DEK: variants seen among roughly 807,000 people sequenced by gnomAD.
DEK encodes protein DEK.
Under a neutral mutation model 46.8 loss-of-function variants are expected in DEK, and 28 were observed. The ratio of observed to expected loss-of-function variants is 0.60; its 90% confidence interval spans 0.44 to 0.82. The LOEUF (loss-of-function observed/expected upper bound fraction) is 0.82. Ranked by LOEUF, DEK falls within the 40% of genes least tolerant of loss-of-function variation. DEK has a pLI of 0.00. For missense variants in DEK, 416 were observed against 430.6 expected (o/e 0.97, Z 0.30); for synonymous variants, 160 against 144.5 (o/e 1.11, Z -0.77).
rs772257561 is a variant in DEK, at chr6:18,249,655, T to G, written c.758A>C (p.Glu253Ala). 1 of 1,577,702 alleles carries G rather than the reference T, an allele frequency of 6.3e-7. No homozygotes were observed. The highest frequency in any genetic ancestry group is 8.6e-7 in the Non-Finnish European group (1 of 1,167,736). ...AAATATAGTAAAATATTTTACCTCC[T>G]CTTCACTTTCTTTATCTTCATCATC... Reference protein sequence around the residue: ...SSDDEDKESEEEPPKKTAKRE... With the variant: ...SSDDEDKESEAEPPKKTAKRE... The change falls in exon 7 of 11, where the codon GAG becomes GCG. Residue 253 changes from glutamate to alanine, a missense_variant. Transcript: ENST00000652689.
chr6:18,263,644 T>C (rs1791971691), intron 2 of DEK, among the ~76,000 whole-genome samples, 199 bp downstream of exon 2: 1 of 152,148 alleles, frequency 6.6e-6, no homozygotes, highest in African/African-American at 2.4e-5. Flanking sequence ...ACAAATACTT[T>C]AAAAACCGGA....
intron 7 of DEK, among the ~76,000 whole-genome samples, chr6:18,244,922 A>G (rs1791042019): frequency 6.6e-6 from 1 of 152,238 alleles, no homozygotes. Context: ...ACTACCAGAT[A>G]ATCCCTTGAA....
Position 18,224,501 on chromosome 6 carries a change from T to TA in DEK, c.*1217dup. On this transcript the variant is annotated 3_prime_UTR_variant, in exon 11 of 11. Transcript: ENST00000652689. ...AGACAGTAAATTTGAAAGACAAAAT[T>TA]AAGTCTCATTCAGGAGTGGTCCATT... The TA allele has an allele frequency of 5.0e-6, 1 of 201,218 alleles. No individual in the cohort carries two copies. The highest frequency in any genetic ancestry group is 1.0e-5 in the Non-Finnish European group (1 of 97,702). 12.5% of individuals were successfully genotyped at this position (201,218 alleles called of 1,614,324 possible).
chr6:18,237,197 A>T, intron 8 of DEK, 184 bp downstream of exon 8: 1 of 581,110 alleles, frequency 1.7e-6, no homozygotes, highest in Non-Finnish European at 2.7e-6. Context: ...ATATATATAT[A>T]TTGCAAAATC....
At chr6:18,251,386 T>C (rs1283758549) in intron 6 of DEK, among the ~76,000 whole-genome samples, 1 of 152,164 alleles carries the variant, frequency 6.6e-6, no homozygotes, top group African/African-American at 2.4e-5. Flanking sequence ...GGGGTCACTG[T>C]CACCTACACA....
At chr6:18,243,946 A>G (rs1165236421) in intron 7 of DEK, among the ~76,000 whole-genome samples, 2 of 152,204 alleles carry the variant, frequency 1.3e-5, no homozygotes, top group Non-Finnish European at 2.9e-5. Context: ...CAGCCTGGGC[A>G]ACAGAGTAAG....
intron 7 of DEK, among the ~76,000 whole-genome samples, chr6:18,239,985 G>A (rs1297133307): frequency 1.3e-5 from 2 of 152,114 alleles, no homozygotes; most frequent in South Asian, 2.1e-4. Context: ...TACTGAAAGG[G>A]TTGAAGGTTG....
intron 9 of DEK, among the ~76,000 whole-genome samples, chr6:18,227,935 T>A (rs891833747): frequency 3.4e-4 from 52 of 152,318 alleles, no homozygotes; most frequent in African/African-American, 1.1e-3. Context: ...AGTCCCTCCC[T>A]AAAGTTAAAT....
intron 7 of DEK, among the ~76,000 whole-genome samples, chr6:18,238,683 C>CAA (rs201851628): frequency 2.3e-4 from 21 of 91,806 alleles, no homozygotes; most frequent in Non-Finnish European, 3.4e-4. Flanking sequence ...GAGACTGTCT[C>CAA]AAAAAAAAAA....
In DEK at chr6:18,224,711, C is replaced by T. The variant is rs1790032412; in HGVS notation, c.*1008G>A. 4.7e-6 allele frequency: 1 copy of T among 213,558 alleles called. No individual in the cohort carries two copies. Among genetic ancestry groups the T allele is most frequent in the Admixed American group, 5.9e-5 (1 of 17,050 alleles). 13.2% of individuals were successfully genotyped at this position (213,558 alleles called of 1,614,324 possible). A position where few individuals can be genotyped will look rare whatever the true frequency, so the allele number is the denominator to read the frequency against. On this transcript the variant is annotated 3_prime_UTR_variant, in exon 11 of 11. Coordinates refer to ENST00000652689, the MANE Select transcript of DEK (RefSeq NM_003472.4). ...TATAATCTGGTACTTTAGTCATAAT[C>T]GTGAAGCTGGCTAGGTTTCCAGTAA...
intron 2 of DEK, among the ~76,000 whole-genome samples, chr6:18,260,031 T>C (rs1281259715): frequency 6.6e-6 from 1 of 152,202 alleles, no homozygotes; most frequent in Admixed American, 6.5e-5. Context: ...ACAACTTTCA[T>C]CTGAGATTCA....
intron 5 of DEK, among the ~76,000 whole-genome samples, chr6:18,256,064 C>T (rs1486236954): frequency 1.3e-5 from 2 of 151,748 alleles, no homozygotes; most frequent in Non-Finnish European, 2.9e-5. Context: ...CTTGGCTCAC[C>T]GCAACCTCCA....
chr6:18,227,463 T>G (rs901242569), intron 9 of DEK, among the ~76,000 whole-genome samples: 31 of 152,268 alleles, frequency 2.0e-4, no homozygotes, highest in African/African-American at 7.2e-4. Context: ...CTGCTGACCT[T>G]GTCTCCACTA....
intron 6 of DEK, among the ~76,000 whole-genome samples, chr6:18,254,058 C>T (rs924990079): frequency 4.0e-5 from 6 of 151,880 alleles, no homozygotes; most frequent in African/African-American, 9.7e-5. Context: ...CGGCCAGGCA[C>T]GGTAGCTCAC....
intron 9 of DEK, among the ~76,000 whole-genome samples, chr6:18,235,591 C>A (rs1318571385): frequency 6.6e-6 from 1 of 152,230 alleles, no homozygotes; most frequent in Non-Finnish European, 1.5e-5. Context: ...TTCCATCCCA[C>A]TAGACTGTAA....
At chr6:18,255,701 T>C (rs1323902133) in intron 6 of DEK, 30 bp downstream of exon 6, 3 of 1,580,538 alleles carry the variant, frequency 1.9e-6, no homozygotes, top group Non-Finnish European at 2.6e-6. Flanking sequence ...GAATAACTGA[T>C]TTATGAAAAA....
At chr6:18,232,344 T>A (rs903535445) in intron 9 of DEK, among the ~76,000 whole-genome samples, 1 of 152,274 alleles carries the variant, frequency 6.6e-6, no homozygotes, top group South Asian at 2.1e-4. Context: ...TTCAACATAG[T>A]GCTGGAAGTT....
chr6:18,237,361 T>C lies in DEK; in HGVS notation c.898+20A>G. On this transcript the variant is annotated intron_variant, in intron 8 of 10. Transcript: ENST00000652689. Reference sequence around the variant, plus strand: ...ATGCTATATCTTTAAAGTTGCTGATTAATGTTATTTCTAACATACCTTTTT... The same window carrying C: ...ATGCTATATCTTTAAAGTTGCTGATCAATGTTATTTCTAACATACCTTTTT... 1.9e-6 allele frequency: 3 copies of C among 1,582,934 alleles called. No homozygotes were observed. The South Asian group carries it at 3.5e-5, about 18-fold the overall frequency.
Position 18,241,197 on chromosome 6 carries a change from G to A in DEK, c.763-3681C>T, listed in dbSNP as rs76587343. On this transcript the variant is annotated intron_variant, in intron 7 of 10. Transcript: ENST00000652689. ...TAGGTATAGGAGGAATAGGTCTCTG[G>A]AAAATGGGGGCATCTCAAAGGACAT... Among the ~76,000 whole-genome samples, 45 of 152,242 alleles carry A rather than the reference G, an allele frequency of 3.0e-4. No homozygotes were observed. In the East Asian group the frequency reaches 7.9e-3, roughly 27 times the overall value.
Sources: allele counts gnomAD v4.1 joint callset (sites outside exome capture counted in the v4.1 genomes callset), GRCh38; gene constraint gnomAD v4.1.1; transcripts MANE v1.5; gene names NCBI Gene and HGNC (gene_info 2026-07-23, HGNC 2026-07-21).